EZR: variants seen among roughly 807,000 people sequenced by gnomAD.
EZR encodes the protein cytovillin 2.
In EZR, 40 loss-of-function variants were observed where a neutral mutation model predicts 74.8. That is an observed-to-expected ratio of 0.53 (90% CI 0.42 to 0.70). The LOEUF is 0.70. Ranked by LOEUF, EZR falls within the 30% of genes least tolerant of loss-of-function variation. The pLI is 0.00. For missense variants in EZR, 678 were observed against 755.8 expected, an observed-to-expected ratio of 0.90 and a Z score of 1.21; for synonymous variants, 341 against 283.3, an observed-to-expected ratio of 1.20 and a Z score of -2.05.
At chr6:158,781,685 C>T (rs1055057695) in intron 7 of EZR, among the ~76,000 whole-genome samples, 3 of 152,196 alleles carry the variant, frequency 2.0e-5, no homozygotes, top group African/African-American at 7.2e-5. Flanking sequence ...CTTGGCATGG[C>T]TGTCTTAATA....
intron 7 of EZR, among the ~76,000 whole-genome samples, chr6:158,779,989 C>T (rs1378020397): frequency 6.6e-6 from 1 of 152,076 alleles, no homozygotes; most frequent in Admixed American, 6.5e-5. Flanking sequence ...TTGAGACCAG[C>T]CTGGCCAACA....
intron 2 of EZR, among the ~76,000 whole-genome samples, chr6:158,804,584 TAAAC>T (rs754756376): frequency 2.4e-4 from 36 of 152,238 alleles, no homozygotes; most frequent in Non-Finnish European, 4.3e-4. Context: ...ACTACACACA[TAAAC>T]AAAAGTAAGG....
At chr6:158,767,925 C>A (rs531340374) in intron 12 of EZR, among the ~76,000 whole-genome samples, 13 of 152,220 alleles carry the variant, frequency 8.5e-5, no homozygotes, top group African/African-American at 3.1e-4. Context: ...CGCCCGCCTC[C>A]ATCCCAGCCA....
chr6:158,785,714 A>T, intron 4 of EZR, 131 bp from the exon 5 acceptor site: 1 of 1,195,896 alleles, frequency 8.4e-7, no homozygotes, highest in Non-Finnish European at 1.2e-6. Context: ...TCTTAAAGTC[A>T]TCTTTTTAGC....
chr6:158,768,742 C>T (rs945166226), intron 12 of EZR, among the ~76,000 whole-genome samples: 3 of 152,164 alleles, frequency 2.0e-5, no homozygotes, highest in Non-Finnish European at 2.9e-5. Flanking sequence ...CATGGGACCT[C>T]GCATCTGCAG....
At chr6:158,788,823 C>T (rs1027743105) in intron 3 of EZR, among the ~76,000 whole-genome samples, 1 of 152,060 alleles carries the variant, frequency 6.6e-6, no homozygotes, top group Non-Finnish European at 1.5e-5. Flanking sequence ...TGTTCAGGTA[C>T]GATCACTTAG....
chr6:158,792,663 GA>G (rs939079516), intron 2 of EZR, among the ~76,000 whole-genome samples: 16 of 151,888 alleles, frequency 1.1e-4, no homozygotes, highest in Non-Finnish European at 4.4e-5. Context: ...ACTAAAAATA[GA>G]AAAGATTATC....
At chr6:158,775,990 G>C (rs1043030547) in intron 8 of EZR, among the ~76,000 whole-genome samples, 1 of 152,150 alleles carries the variant, frequency 6.6e-6, no homozygotes, top group Non-Finnish European at 1.5e-5. Flanking sequence ...CAATGCTTGG[G>C]TGCAAGTCTG....
At chr6:158,810,586 A>G (rs1158876706) in intron 2 of EZR, among the ~76,000 whole-genome samples, 1 of 152,232 alleles carries the variant, frequency 6.6e-6, no homozygotes, top group Non-Finnish European at 1.5e-5. Context: ...TGTGACTGAT[A>G]AGGGAATTCC....
chr6:158,818,329 CGGGCG>C (rs529554854), intron 1 of EZR, 163 bp from the exon 2 acceptor site: 3 of 253,526 alleles, frequency 1.2e-5, no homozygotes, highest in South Asian at 1.7e-4. Flanking sequence ...GGAGGGGGCA[CGGGCG>C]GGGCGGGGCC....
intron 8 of EZR, among the ~76,000 whole-genome samples, chr6:158,776,160 G>A (rs1380605626): frequency 6.6e-6 from 1 of 152,180 alleles, no homozygotes; most frequent in Middle Eastern, 3.2e-3. Context: ...CAGCATTTTG[G>A]GAAATGCTTA....
chr6:158,818,009 C>A (rs1465436968), intron 2 of EZR, 73 bp downstream of exon 2: 2 of 1,502,592 alleles, frequency 1.3e-6, no homozygotes, highest in Non-Finnish European at 1.8e-6. Flanking sequence ...ACTGCCCCAA[C>A]ACCTCGAGCA....
chr6:158,794,771 G>A (rs1304310008), intron 2 of EZR, among the ~76,000 whole-genome samples: 2 of 152,108 alleles, frequency 1.3e-5, no homozygotes, highest in Admixed American at 6.5e-5. Context: ...ATTTCTCCCA[G>A]GCTTGCCAAA....
At position 158,767,405 on chromosome 6, in the gene EZR, A is replaced by G. The variant is rs773159233; in HGVS notation, c.1452T>C (p.His484=). Residue 484 remains histidine, a synonymous_variant, in exon 13 of 14, where the codon CAT becomes CAC. Transcript: ENST00000367075. ...PPPVYEPVSY[H]VQESLQDEGA... is the part of the protein sequence containing the mutation. ...CCTCATCCTGCAAGCTCTCCTGGAC[A>G]TGGTAGCTCACCGGCTCGTACACGG... 3.1e-5 allele frequency: 44 copies of G among 1,408,634 alleles called. No individual in the cohort carries two copies. The highest frequency in any genetic ancestry group is 1.1e-4 in the Admixed American group (6 of 55,086). The allele number at this position is 1,408,634 out of a possible 1,614,324, so 87.3% of individuals were successfully genotyped here. A position where few individuals can be genotyped will look rare whatever the true frequency, so the allele number is the denominator to read the frequency against.
At chr6:158,794,178 G>C (rs1225653734) in intron 2 of EZR, among the ~76,000 whole-genome samples, 1 of 152,196 alleles carries the variant, frequency 6.6e-6, no homozygotes, top group Non-Finnish European at 1.5e-5. Flanking sequence ...CTTCTTGGGA[G>C]GCTGAGGCAG....
chr6:158,783,801 C>A (rs1791493331), intron 6 of EZR, 135 bp from the exon 7 acceptor site: 1 of 991,974 alleles, frequency 1.0e-6, no homozygotes, highest in Non-Finnish European at 1.5e-6. Context: ...TGCAGGCAGG[C>A]AGGGGCCGGG....
chr6:158,818,753 G>A, intron 1 of EZR, among the ~76,000 whole-genome samples: 1 of 150,806 alleles, frequency 6.6e-6, no homozygotes, highest in Non-Finnish European at 1.5e-5. Flanking sequence ...GCGAGGGGCA[G>A]GAGGAACACC....
chr6:158,816,156 T>A (rs749955006), intron 2 of EZR, among the ~76,000 whole-genome samples: 1 of 152,198 alleles, frequency 6.6e-6, no homozygotes, highest in Admixed American at 6.5e-5. Flanking sequence ...AGAATGGTGG[T>A]TGCCAAGGGC....
intron 2 of EZR, among the ~76,000 whole-genome samples, chr6:158,792,241 G>C (rs1272649290): frequency 6.6e-6 from 1 of 150,396 alleles, no homozygotes; most frequent in Non-Finnish European, 1.5e-5. Context: ...TTGAGATGGA[G>C]TCTCCTCTGT....
Sources: gnomAD v4.1 joint callset for allele counts (sites outside exome capture counted in the v4.1 genomes callset) on GRCh38, gnomAD v4.1.1 for gene constraint, MANE v1.5 for transcripts, NCBI Gene and HGNC (gene_info 2026-07-23, HGNC 2026-07-21) for gene names.